ULK1: variants seen among roughly 807,000 people sequenced by gnomAD.
ULK1 encodes the protein unc-51 like autophagy activating kinase 1.
In ULK1, 48 loss-of-function variants were observed where a neutral mutation model predicts 117.5. That is an observed-to-expected ratio of 0.41 (90% CI 0.32 to 0.52). The LOEUF (loss-of-function observed/expected upper bound fraction) is 0.52, where lower values mean the gene tolerates loss of function less well. Ranked by LOEUF, ULK1 falls within the 20% of genes least tolerant of loss-of-function variation. ULK1 has a pLI of 0.29. For missense variants in ULK1, 1,387 were observed against 1,473.4 expected, an observed-to-expected ratio of 0.94 and a Z score of 0.96; for synonymous variants, 790 against 637.8, an observed-to-expected ratio of 1.24 and a Z score of -3.60.
chr12:131,895,311 T>C (rs571640954), intron 1 of ULK1, among the ~76,000 whole-genome samples, 199 bp downstream of exon 1: 1 of 125,086 alleles, frequency 8.0e-6, no homozygotes, highest in Non-Finnish European at 1.6e-5. Flanking sequence ...CGCCCCGAGA[T>C]CCGCTGCCGG....
At chr12:131,909,660 C>G (rs1889438709) in intron 8 of ULK1, 115 bp from the exon 9 acceptor site, 1 of 1,149,414 alleles carries the variant, frequency 8.7e-7, no homozygotes, top group East Asian at 2.6e-5. Context: ...CCCGGTTTCC[C>G]CCGGGCTTCG....
chr12:131,906,982 C>T lies in ULK1; in HGVS notation c.279+58C>T, dbSNP rs1889302260. 9 of 1,609,324 alleles carry T rather than the reference C, an allele frequency of 5.6e-6. No individual in the cohort carries two copies. The Admixed American group carries it at 1.2e-4, about 21-fold the overall frequency. ...GCTGATGGCCATGGCCCTGGGAGCCCCACAGGGAGGGACATGGCTGGGGGG... is the reference window on the plus strand; with the variant it reads ...GCTGATGGCCATGGCCCTGGGAGCCTCACAGGGAGGGACATGGCTGGGGGG... On this transcript the variant is annotated intron_variant, in intron 4 of 27. Transcript: ENST00000321867.
intron 25 of ULK1, 97 bp downstream of exon 25, chr12:131,919,687 A>G (rs1369020205): frequency 3.6e-6 from 5 of 1,406,630 alleles, no homozygotes; most frequent in African/African-American, 1.4e-5. Context: ...CTGCTTGAGT[A>G]GGCCCCTGTG....
At chr12:131,907,845 C>G (rs537461050) in intron 5 of ULK1, among the ~76,000 whole-genome samples, 1 of 151,284 alleles carries the variant, frequency 6.6e-6, no homozygotes, top group East Asian at 2.0e-4. Context: ...GAAGGCGGCT[C>G]TTGGCCCACC....
At chr12:131,908,596 T>G in intron 5 of ULK1, 48 bp from the exon 6 acceptor site, 1 of 1,433,248 alleles carries the variant, frequency 7.0e-7, no homozygotes, top group Non-Finnish European at 9.1e-7. Context: ...GACTCACCCC[T>G]GGGGGAGGAA....
At chr12:131,910,905 G>GT in intron 12 of ULK1, 105 bp downstream of exon 12, 1 of 1,523,098 alleles carries the variant, frequency 6.6e-7, no homozygotes, top group Non-Finnish European at 8.8e-7. Flanking sequence ...TGTTGTCTGT[G>GT]TGAGTCACGA....
At position 131,918,570 on chromosome 12, in the gene ULK1, T is replaced by G; in HGVS notation, c.2400T>G (p.Pro800=). Residue 800 remains proline, a synonymous_variant, in exon 23 of 28, where the codon CCT becomes CCG. Transcript: ENST00000321867. The stretch of plus-strand genomic sequence containing the variant: ...GGCCCTGCAGCGAGGCCCCAGCCCC[T>G]GAGCTCCCTGCTCCAGGACACGGCT... ...VPGPCSEAPA[P]ELPAPGHGCS... is the part of the protein sequence containing the mutation. The G allele has an allele frequency of 6.2e-7, 1 of 1,611,280 alleles. No homozygotes were observed. Among genetic ancestry groups the G allele is most frequent in the Non-Finnish European group, 8.5e-7 (1 of 1,179,332 alleles).
intron 14 of ULK1, 39 bp downstream of exon 14, chr12:131,913,297 G>A: frequency 6.7e-7 from 1 of 1,502,362 alleles, no homozygotes. Flanking sequence ...TTAGGGGAGA[G>A]AAACTGTGGC....
chr12:131,916,843 T>A (rs1593273054), intron 20 of ULK1, 110 bp from the exon 21 acceptor site: 2 of 1,052,484 alleles, frequency 1.9e-6, no homozygotes, highest in East Asian at 2.8e-5. Flanking sequence ...CCTCTCGAGG[T>A]GGGCCAGGAG....
chr12:131,906,102 C>T (rs11246870), intron 3 of ULK1, among the ~76,000 whole-genome samples: 120,315 of 149,684 alleles, frequency 0.8, 49,331 homozygotes, highest in Middle Eastern at 0.93. Flanking sequence ...TTGGCGTCTT[C>T]TTTTTTTTTG....
Position 131,909,117 on chromosome 12 carries a change from C to CT in ULK1, c.565-19_565-18insT. The CT allele has an allele frequency of 6.2e-7, 1 of 1,601,682 alleles. No individual in the cohort carries two copies. Among genetic ancestry groups the CT allele is most frequent in the Non-Finnish European group, 8.5e-7 (1 of 1,175,018 alleles). ...TGGCGTGCGGGGGCCTCACACTGAC[C>CT]CGACTTCTGGTCCCGCAGGCCCCCG... On this transcript the variant is annotated intron_variant, in intron 7 of 27. Transcript: ENST00000321867.
rs1889847777 is a variant in ULK1 at position 131,917,125 on chromosome 12, CGGA to C, written c.2182+66_2182+68del. On this transcript the variant is annotated intron_variant, in intron 21 of 27. Transcript: ENST00000321867. The stretch of plus-strand genomic sequence containing the variant: ...GGGTCGGAGGCTGTGGGATGGGGGT[CGGA>C]GGCTGTGGGATGGGGGTCGGAGGCT... 4.4e-5 allele frequency: 34 copies of C among 780,742 alleles called. 8 individuals are homozygous for C. The South Asian group carries it at 6.7e-4, about 15-fold the overall frequency. The allele number at this position is 780,742 out of a possible 1,614,324, so 48.4% of individuals were successfully genotyped here.
chr12:131,899,075 C>T (rs541873108), intron 3 of ULK1, among the ~76,000 whole-genome samples: 4 of 149,854 alleles, frequency 2.7e-5, no homozygotes, highest in South Asian at 2.1e-4. Context: ...ATACAATTTT[C>T]GCCACATTGG....
At chr12:131,911,387 G>A (rs1050371476) in intron 12 of ULK1, among the ~76,000 whole-genome samples, 5 of 152,200 alleles carry the variant, frequency 3.3e-5, no homozygotes, top group Non-Finnish European at 1.5e-5. Context: ...TATCATGGCC[G>A]AAAGCTCAGA....
At chr12:131,905,256 C>T (rs910907332) in intron 3 of ULK1, among the ~76,000 whole-genome samples, 6 of 152,186 alleles carry the variant, frequency 3.9e-5, no homozygotes, top group African/African-American at 1.4e-4. Flanking sequence ...AGCTCCTCTG[C>T]GGGGGCAGCT....
At chr12:131,907,597 C>A in intron 5 of ULK1, 66 bp downstream of exon 5, 2 of 1,551,582 alleles carry the variant, frequency 1.3e-6, no homozygotes, top group South Asian at 1.2e-5. Context: ...CAGGGCCACA[C>A]TGGCCCAGTC....
intron 3 of ULK1, among the ~76,000 whole-genome samples, chr12:131,898,489 C>T (rs946751772): frequency 1.3e-5 from 2 of 151,984 alleles, no homozygotes; most frequent in Non-Finnish European, 2.9e-5. Flanking sequence ...AAAATGACAT[C>T]TCTTATGGTT....
intron 8 of ULK1, 30 bp from the exon 9 acceptor site, chr12:131,909,745 C>G: frequency 1.3e-6 from 2 of 1,576,020 alleles, no homozygotes; most frequent in South Asian, 1.1e-5. Context: ...GGCCGCAGCC[C>G]TGGCAGTCAG....
chr12:131,917,456 C>A lies in ULK1; in HGVS notation c.2228C>A (p.Ala743Asp), dbSNP rs554632816. The change falls in exon 22 of 28, where the codon GCT (alanine) becomes GAT (aspartate). Residue 743 changes from alanine (A) to aspartate (D), a missense_variant. By Grantham distance (126) the Ala-to-Asp change is moderately radical. Around this residue, in one of 4 missense-constraint regions of ULK1, gnomAD observed 900 missense variants for 858.9 expected, o/e 1.05. Coordinates refer to ENST00000321867, the MANE Select transcript of ULK1 (RefSeq NM_003565.4). ...GGGAGCCTGCACCCAGGAGCCCGTG[C>A]TGGGGGCACCAGCAGCCCTTCCCCG... The part of the protein sequence containing the change: ...FGGSLHPGAR[A>D]GGTSSPSPVV... The A allele has an allele frequency of 4.4e-5, 68 of 1,532,252 alleles. No individual in the cohort carries two copies. In the South Asian group the frequency reaches 7.7e-4, roughly 17 times the overall value. 94.9% of individuals were successfully genotyped at this position (1,532,252 alleles called of 1,614,324 possible).
Sources: gnomAD v4.1 joint callset for allele counts (sites outside exome capture counted in the v4.1 genomes callset) on GRCh38, gnomAD v4.1.1 for gene constraint, gnomAD v4.1.1 regional missense constraint, MANE v1.5 for transcripts, NCBI Gene and HGNC (gene_info 2026-07-23, HGNC 2026-07-21) for gene names.